The following LRRC4C variants were observed in gnomAD, a reference collection of about 807,000 sequenced individuals.
The protein encoded by LRRC4C is leucine-rich repeat-containing protein 4C.
Under a neutral mutation model 33.6 loss-of-function variants are expected in LRRC4C, and 5 were observed. That is an observed-to-expected ratio of 0.15 (90% confidence interval 0.08 to 0.31). The LOEUF is 0.31. Ranked by LOEUF, LRRC4C falls within the 10% of genes least tolerant of loss-of-function variation. The pLI is 1.00. For synonymous variants in LRRC4C, 329 were observed against 302.0 expected (o/e 1.09, Z -0.93); for missense variants, 560 against 796.7 (o/e 0.70, Z 3.58).
intron 1 of LRRC4C, among the ~76,000 whole-genome samples, chr11:41,287,458 TTTACCA>T (rs1949863799): frequency 6.6e-6 from 1 of 152,112 alleles, no homozygotes; most frequent in Non-Finnish European, 1.5e-5. Context: ...TTTGTTTTGT[TTTACCA>T]TTGACAGCAA....
Position 40,743,469 on chromosome 11 carries a change from C to T in LRRC4C, c.-406-95191G>A, listed in dbSNP as rs767023753. On this transcript the variant is annotated intron_variant, in intron 2 of 6. Coordinates refer to ENST00000528697, the MANE Select transcript of LRRC4C (RefSeq NM_001258419.2). ...GCAGAGATGCATTCACTTCTGAAAACGTAGGGGAAAATCTCTTTCCTTGCC... is the reference window on the plus strand; with the variant it reads ...GCAGAGATGCATTCACTTCTGAAAATGTAGGGGAAAATCTCTTTCCTTGCC... 8.6e-5 allele frequency among the ~76,000 whole-genome samples: 13 copies of T among 152,022 alleles called. 1 individual carries two copies. Among genetic ancestry groups the T allele is most frequent in the African/African-American group, 1.7e-4 (7 of 41,434 alleles).
At chr11:41,321,958 T>C (rs897238114) in intron 1 of LRRC4C, among the ~76,000 whole-genome samples, 6 of 152,128 alleles carry the variant, frequency 3.9e-5, no homozygotes, top group African/African-American at 1.4e-4. Context: ...TCCACCTCCC[T>C]GGTTCAAGCG....
chr11:40,810,769 C>G (rs1363488648), intron 2 of LRRC4C, among the ~76,000 whole-genome samples: 1 of 152,094 alleles, frequency 6.6e-6, no homozygotes, highest in Non-Finnish European at 1.5e-5. Flanking sequence ...TGGTTTGGTG[C>G]CCAAAATATA....
At chr11:40,377,931 A>G (rs1682237914) in intron 3 of LRRC4C, among the ~76,000 whole-genome samples, 1 of 152,092 alleles carries the variant, frequency 6.6e-6, no homozygotes, top group South Asian at 2.1e-4. Flanking sequence ...GATTATAAAA[A>G]GAAGGAATTA....
chr11:41,340,459 T>C (rs1951593874), intron 1 of LRRC4C, among the ~76,000 whole-genome samples: 1 of 152,166 alleles, frequency 6.6e-6, no homozygotes, highest in African/African-American at 2.4e-5. Context: ...GGAAGTTAAA[T>C]TTGGGATCTA....
chr11:40,394,269 C>T lies in LRRC4C; in HGVS notation c.-269-74548G>A, dbSNP rs1046283362. Among the ~76,000 whole-genome samples, 5 of 152,106 alleles carry T rather than the reference C, an allele frequency of 3.3e-5. No homozygotes were observed. The South Asian group carries it at 6.2e-4, about 19-fold the overall frequency. ...CATGCTCAGTATGCTAGCGAAAAAA[C>T]ACAGCTCTTGTTTGTATACACACAG... is the stretch of plus-strand genomic sequence containing the variant. On this transcript the variant is annotated intron_variant, in intron 3 of 6. Transcript: ENST00000528697.
chr11:40,284,714 A>G (rs1433479339), intron 4 of LRRC4C, among the ~76,000 whole-genome samples: 5 of 152,174 alleles, frequency 3.3e-5, no homozygotes, highest in African/African-American at 1.2e-4. Context: ...GTTGGATAGG[A>G]GGGATGTTAA....
At chr11:41,246,590 T>C (rs941296556) in intron 1 of LRRC4C, among the ~76,000 whole-genome samples, 5 of 152,162 alleles carry the variant, frequency 3.3e-5, no homozygotes, top group African/African-American at 1.2e-4. Flanking sequence ...CTGTGGAGCA[T>C]GCAGCCCCAG....
At chr11:40,948,049 G>A (rs940607182) in intron 1 of LRRC4C, among the ~76,000 whole-genome samples, 1 of 151,944 alleles carries the variant, frequency 6.6e-6, no homozygotes, top group Non-Finnish European at 1.5e-5. Flanking sequence ...TTCAGTCATC[G>A]CCAGTGAAGC....
At chr11:41,323,766 T>A (rs1951025990) in intron 1 of LRRC4C, among the ~76,000 whole-genome samples, 1 of 152,134 alleles carries the variant, frequency 6.6e-6, no homozygotes, top group Non-Finnish European at 1.5e-5. Context: ...AAAGAAAGAT[T>A]TAAAAAGAAG....
In LRRC4C at chr11:40,225,899, G is replaced by A. The variant is rs187011094; in HGVS notation, c.-96+15620C>T. On this transcript the variant is annotated intron_variant, in intron 5 of 6. Coordinates refer to ENST00000528697, the MANE Select transcript of LRRC4C (RefSeq NM_001258419.2). ...CTCCCAAAGGGCTGGGATTACAGGCGTGAGCCACCACGCCCAGCCTATATT... is the reference window on the plus strand; with the variant it reads ...CTCCCAAAGGGCTGGGATTACAGGCATGAGCCACCACGCCCAGCCTATATT... 2.6e-5 allele frequency among the ~76,000 whole-genome samples: 4 copies of A among 152,276 alleles called. No homozygotes were observed. In the East Asian group the frequency reaches 7.7e-4, roughly 29 times the overall value.
chr11:40,755,855 G>A (rs1243857081), intron 2 of LRRC4C, among the ~76,000 whole-genome samples: 1 of 152,024 alleles, frequency 6.6e-6, no homozygotes, highest in African/African-American at 2.4e-5. Context: ...TATTTGTTAT[G>A]GGCTAAATTG....
intron 3 of LRRC4C, among the ~76,000 whole-genome samples, chr11:40,322,493 G>T (rs1442011464): frequency 6.6e-6 from 1 of 152,102 alleles, no homozygotes; most frequent in Non-Finnish European, 1.5e-5. Context: ...TGATTCACCT[G>T]CCTCACCCTC....
chr11:40,259,652 C>CCT (rs1003025584), intron 4 of LRRC4C, among the ~76,000 whole-genome samples: 9 of 152,142 alleles, frequency 5.9e-5, no homozygotes, highest in African/African-American at 1.9e-4. Flanking sequence ...TTCCCATCAC[C>CCT]ATTTATTAAA....
At chr11:40,557,824 C>T (rs1421753138) in intron 3 of LRRC4C, among the ~76,000 whole-genome samples, 1 of 152,132 alleles carries the variant, frequency 6.6e-6, no homozygotes, top group East Asian at 1.9e-4. Context: ...TTCAATGCTG[C>T]TATTCTACTG....
intron 2 of LRRC4C, among the ~76,000 whole-genome samples, chr11:40,812,236 G>A (rs1408434120): frequency 6.6e-6 from 1 of 151,994 alleles, no homozygotes; most frequent in East Asian, 1.9e-4. Context: ...AAAGCACATG[G>A]GTTTTCAAAT....
intron 3 of LRRC4C, among the ~76,000 whole-genome samples, chr11:40,440,334 C>T (rs1387372514): frequency 6.8e-6 from 1 of 145,998 alleles, no homozygotes; most frequent in African/African-American, 2.5e-5. Context: ...ATTTTTTCCT[C>T]CAAAGCTCCA....
At chr11:40,483,797 ATATATGTATATGTATG>A (rs1216619738) in intron 3 of LRRC4C, among the ~76,000 whole-genome samples, 2 of 150,808 alleles carry the variant, frequency 1.3e-5, no homozygotes, top group Non-Finnish European at 3.0e-5. Flanking sequence ...ATATATGTAT[ATATATGTATATGTATG>A]TATATACATA....
At chr11:40,511,672 C>A (rs935231655) in intron 3 of LRRC4C, among the ~76,000 whole-genome samples, 1 of 152,138 alleles carries the variant, frequency 6.6e-6, no homozygotes, top group Non-Finnish European at 1.5e-5. Context: ...GAAACTGAAG[C>A]ACCAGCAGGG....
Sources: gnomAD v4.1 joint callset for allele counts (sites outside exome capture counted in the v4.1 genomes callset) on GRCh38, gnomAD v4.1.1 for gene constraint, MANE v1.5 for transcripts, NCBI Gene and HGNC (gene_info 2026-07-23, HGNC 2026-07-21) for gene names.